CPNE2: variants seen among roughly 807,000 people sequenced by gnomAD.
CPNE2 encodes the protein copine-2.
In CPNE2, 42 loss-of-function variants were observed where a neutral mutation model predicts 69.7. That is an observed-to-expected ratio of 0.60 (90% confidence interval 0.47 to 0.78). The LOEUF (loss-of-function observed/expected upper bound fraction) is 0.78. Ranked by LOEUF, CPNE2 falls within the 30% of genes least tolerant of loss-of-function variation. The pLI, the probability that CPNE2 is intolerant of heterozygous loss-of-function variation, is 0.00. For synonymous variants in CPNE2, 294 were observed against 289.8 expected (o/e 1.01, Z -0.15); for missense variants, 587 against 732.0 (o/e 0.80, Z 2.29).
intron 10 of CPNE2, 105 bp downstream of exon 10, chr16:57,123,578 G>A (rs1057081743): frequency 8.6e-5 from 107 of 1,243,596 alleles, no homozygotes; most frequent in Admixed American, 1.4e-4. Context: ...GTAGACTTCA[G>A]GAAGGACTTC....
At chr16:57,126,030 T>C (rs1372914424) in intron 11 of CPNE2, 37 bp downstream of exon 11, 1 of 1,611,312 alleles carries the variant, frequency 6.2e-7, no homozygotes, top group Admixed American at 1.7e-5. Context: ...TCAGCTAGGG[T>C]TCCATCCAAC....
At chr16:57,103,805 C>T (rs2069631388) in intron 1 of CPNE2, among the ~76,000 whole-genome samples, 1 of 152,228 alleles carries the variant, frequency 6.6e-6, no homozygotes. Context: ...GGGCTACTTT[C>T]TCCTCACAGC....
chr16:57,147,507 CCTT>C, intron 15 of CPNE2, 41 bp from the exon 16 acceptor site: 1 of 1,399,394 alleles, frequency 7.1e-7, no homozygotes, highest in Non-Finnish European at 9.8e-7. Context: ...GGTCATTAAT[CCTT>C]ATTCTCTCTC....
chr16:57,140,129 TTTC>T (rs2145281869), intron 14 of CPNE2, among the ~76,000 whole-genome samples: 1 of 152,220 alleles, frequency 6.6e-6, no homozygotes, highest in Admixed American at 6.5e-5. Context: ...CTGGGGCATG[TTTC>T]TTCTTATGGA....
In CPNE2 at chr16:57,147,729, G is replaced by T. The variant is rs549276279; in HGVS notation, c.*71G>T. On this transcript the variant is annotated 3_prime_UTR_variant, in exon 16 of 16. Coordinates refer to ENST00000290776, the MANE Select transcript of CPNE2 (RefSeq NM_152727.6). ...CCCCAGGAACATGCACGCTCACTCT[G>T]CTTCCTTGTGGGTGGCCTTTTTTTA... 782 of 1,013,980 alleles carry T rather than the reference G, an allele frequency of 7.7e-4. 2 individuals carry two copies. The Middle Eastern group carries it at 8.5e-3, about 11-fold the overall frequency. 62.8% of individuals were successfully genotyped at this position (1,013,980 alleles called of 1,614,324 possible).
intron 12 of CPNE2, among the ~76,000 whole-genome samples, chr16:57,133,998 C>G (rs1342247026): frequency 3.9e-5 from 6 of 152,272 alleles, no homozygotes; most frequent in African/African-American, 1.2e-4. Context: ...CAGCGTCTCC[C>G]GAGGCCTTGG....
At chr16:57,134,909 G>A in intron 13 of CPNE2, 83 bp downstream of exon 13, 1 of 1,420,716 alleles carries the variant, frequency 7.0e-7, no homozygotes, top group Non-Finnish European at 9.9e-7. Context: ...GCAGAGGACA[G>A]GTTTTCATTT....
At chr16:57,097,351 T>C (rs1434792044) in intron 1 of CPNE2, among the ~76,000 whole-genome samples, 2 of 152,140 alleles carry the variant, frequency 1.3e-5, no homozygotes, top group African/African-American at 4.8e-5. Flanking sequence ...GCAAAGTCCC[T>C]GGTCCAGAGG....
At chr16:57,116,561 G>A (rs2145252667) in intron 4 of CPNE2, among the ~76,000 whole-genome samples, 1 of 152,316 alleles carries the variant, frequency 6.6e-6, no homozygotes, top group African/African-American at 2.4e-5. Context: ...CTGAATGAAT[G>A]AATGAATGAA....
chr16:57,131,917 C>A (rs1329448511), intron 12 of CPNE2, among the ~76,000 whole-genome samples: 2 of 152,226 alleles, frequency 1.3e-5, no homozygotes, highest in African/African-American at 4.8e-5. Flanking sequence ...GCCATGCTCA[C>A]ACTCACATGG....
At chr16:57,102,574 CTCAA>C (rs2069621380) in intron 1 of CPNE2, among the ~76,000 whole-genome samples, 1 of 151,900 alleles carries the variant, frequency 6.6e-6, no homozygotes, top group Non-Finnish European at 1.5e-5. Flanking sequence ...AGCCGTGTTT[CTCAA>C]TCAGTTTTTT....
chr16:57,136,368 T>C (rs1015545399), intron 13 of CPNE2, among the ~76,000 whole-genome samples: 1 of 152,238 alleles, frequency 6.6e-6, no homozygotes, highest in South Asian at 2.1e-4. Flanking sequence ...GCGCCTACTC[T>C]GTACAGGCAC....
At chr16:57,096,289 G>A (rs1362696612) in intron 1 of CPNE2, among the ~76,000 whole-genome samples, 1 of 152,198 alleles carries the variant, frequency 6.6e-6, no homozygotes, top group Non-Finnish European at 1.5e-5. Flanking sequence ...CCAGTGTGTG[G>A]TGCTCAACTA....
intron 12 of CPNE2, 58 bp from the exon 13 acceptor site, chr16:57,134,717 G>T: frequency 6.2e-7 from 1 of 1,600,078 alleles, no homozygotes. Flanking sequence ...GTGGGTGGTG[G>T]CCTGGGTCTG....
At chr16:57,118,118 C>T (rs1263731364) in intron 5 of CPNE2, among the ~76,000 whole-genome samples, 2 of 152,126 alleles carry the variant, frequency 1.3e-5, no homozygotes, top group East Asian at 3.9e-4. Context: ...ATTTCCCACC[C>T]CCTCCTTCTC....
At chr16:57,095,227 T>G (rs189177395) in intron 1 of CPNE2, among the ~76,000 whole-genome samples, 6 of 152,304 alleles carry the variant, frequency 3.9e-5, no homozygotes, top group Non-Finnish European at 8.8e-5. Context: ...CCCTGTGATC[T>G]TGGCAGGCAG....
rs144202398 is a variant in CPNE2 at position 57,106,769 on chromosome 16, G to T, written c.-35-3939G>T. Among the ~76,000 whole-genome samples, 4 of 152,290 alleles carry T rather than the reference G, an allele frequency of 2.6e-5. No homozygotes were observed. In the East Asian group the frequency reaches 7.7e-4, roughly 29 times the overall value. On this transcript the variant is annotated intron_variant, in intron 1 of 15. Transcript: ENST00000290776. ...AGGGGTGTGGACTGGGTGACCCAGA[G>T]GAACTGGTGAACTTGGATACTCTGG...
At chr16:57,112,790 A>T (rs1281818919) in intron 2 of CPNE2, 15 of 153,274 alleles carry the variant, frequency 9.8e-5, no homozygotes, top group Admixed American at 9.8e-4. Context: ...ACCTCCCCCG[A>T]AGAATCCTCC....
chr16:57,108,018 A>C (rs1423010959), intron 1 of CPNE2, among the ~76,000 whole-genome samples: 5 of 151,968 alleles, frequency 3.3e-5, no homozygotes, highest in African/African-American at 9.7e-5. Flanking sequence ...CTACAGGTGC[A>C]CGCCACCATG....
Sources: gnomAD v4.1 joint callset for allele counts (sites outside exome capture counted in the v4.1 genomes callset) on GRCh38, gnomAD v4.1.1 for gene constraint, MANE v1.5 for transcripts, NCBI Gene and HGNC (gene_info 2026-07-23, HGNC 2026-07-21) for gene names.